SLC9A9: variants seen among roughly 807,000 people sequenced by gnomAD.
SLC9A9 encodes the protein sodium/hydrogen exchanger 9.
Under a neutral mutation model 77.8 loss-of-function variants are expected in SLC9A9, and 62 were observed. The observed-to-expected ratio is 0.80, with a 90% CI of 0.65 to 0.98. The LOEUF is 0.98. SLC9A9 is among the 50% of genes least tolerant of loss of function. The pLI, the probability that SLC9A9 is intolerant of heterozygous loss-of-function variation, is 0.00. For missense variants in SLC9A9, 775 were observed against 774.9 expected (o/e 1.00, Z 0.00); for synonymous variants, 320 against 283.5 (o/e 1.13, Z -1.29).
At chr3:143,417,656 G>A (rs2034221860) in intron 12 of SLC9A9, among the ~76,000 whole-genome samples, 1 of 152,046 alleles carries the variant, frequency 6.6e-6, no homozygotes, top group African/African-American at 2.4e-5. Context: ...GAAGGTGGCT[G>A]TCAGCAAGTC....
chr3:143,530,404 C>G (rs764292626), intron 9 of SLC9A9, among the ~76,000 whole-genome samples: 15 of 152,020 alleles, frequency 9.9e-5, no homozygotes, highest in African/African-American at 3.1e-4. Flanking sequence ...CTATCATTCT[C>G]TCTCCTGCTT....
chr3:143,417,493 G>GAA (rs2034216774), intron 12 of SLC9A9, among the ~76,000 whole-genome samples: 1 of 148,192 alleles, frequency 6.7e-6, no homozygotes, highest in South Asian at 2.2e-4. Context: ...AGCGGGGGGA[G>GAA]AGGGAGGGAG....
intron 5 of SLC9A9, chr3:143,655,411 G>T: frequency 3.2e-6 from 3 of 927,972 alleles, no homozygotes; most frequent in Non-Finnish European, 3.9e-6. Context: ...GACATCGTGT[G>T]GATAGGAAGG....
chr3:143,448,862 TATATTATATAATATG>T (rs2034895068), intron 12 of SLC9A9, among the ~76,000 whole-genome samples: 2 of 39,262 alleles, frequency 5.1e-5, no homozygotes, highest in Non-Finnish European at 7.0e-5. Context: ...TGTTATATAA[TATATTATATAATATG>T]ATATATATTA....
intron 4 of SLC9A9, among the ~76,000 whole-genome samples, chr3:143,742,888 T>A (rs1456672847): frequency 6.6e-6 from 1 of 152,140 alleles, no homozygotes; most frequent in Admixed American, 6.5e-5. Context: ...AATTTTTCCA[T>A]AAATCTAAAA....
At chr3:143,539,738 G>C (rs1326984327) in intron 9 of SLC9A9, among the ~76,000 whole-genome samples, 3 of 152,142 alleles carry the variant, frequency 2.0e-5, no homozygotes, top group African/African-American at 7.2e-5. Context: ...TACCAGGCCA[G>C]CTGATCTCCT....
intron 4 of SLC9A9, among the ~76,000 whole-genome samples, chr3:143,713,579 T>C (rs1053938173): frequency 1.3e-5 from 2 of 152,148 alleles, no homozygotes; most frequent in African/African-American, 4.8e-5. Context: ...AAATGGATGA[T>C]TGTGAGAAGT....
intron 14 of SLC9A9, among the ~76,000 whole-genome samples, chr3:143,331,221 T>TA (rs2031758459): frequency 6.6e-6 from 1 of 152,150 alleles, no homozygotes; most frequent in African/African-American, 2.4e-5. Context: ...GAGCAGTCAA[T>TA]AAGGCTGAAG....
At chr3:143,488,873 A>G (rs2035696193) in intron 11 of SLC9A9, among the ~76,000 whole-genome samples, 1 of 151,966 alleles carries the variant, frequency 6.6e-6, no homozygotes, top group Admixed American at 6.6e-5. Context: ...TTAACATTAT[A>G]CTAGAAATTC....
At chr3:143,584,321 A>G (rs2037505592) in intron 6 of SLC9A9, among the ~76,000 whole-genome samples, 1 of 152,100 alleles carries the variant, frequency 6.6e-6, no homozygotes, top group Non-Finnish European at 1.5e-5. Context: ...GTTCCACAGG[A>G]TGCTCTCCCT....
chr3:143,661,218 T>C (rs763197329), intron 5 of SLC9A9, among the ~76,000 whole-genome samples: 4 of 152,190 alleles, frequency 2.6e-5, no homozygotes, highest in African/African-American at 4.8e-5. Context: ...AAGCAAACAA[T>C]GGCCATTTTA....
At chr3:143,616,338 C>T (rs752199860) in intron 6 of SLC9A9, among the ~76,000 whole-genome samples, 10 of 152,000 alleles carry the variant, frequency 6.6e-5, no homozygotes, top group African/African-American at 9.7e-5. Context: ...ACTAGAAGTA[C>T]AAAAATTTAT....
chr3:143,663,174 G>A (rs1481337389), intron 5 of SLC9A9, among the ~76,000 whole-genome samples: 2 of 152,312 alleles, frequency 1.3e-5, no homozygotes, highest in South Asian at 2.1e-4. Flanking sequence ...GGCAAACAGG[G>A]TCTGCAGTGG....
chr3:143,420,649 G>A (rs2034281561), intron 12 of SLC9A9, among the ~76,000 whole-genome samples: 1 of 152,118 alleles, frequency 6.6e-6, no homozygotes, highest in South Asian at 2.1e-4. Flanking sequence ...AAAGGTGAGG[G>A]AAATCATTAT....
At chr3:143,831,526 A>G (rs1275713537) in intron 2 of SLC9A9, among the ~76,000 whole-genome samples, 1 of 152,202 alleles carries the variant, frequency 6.6e-6, no homozygotes, top group Non-Finnish European at 1.5e-5. Context: ...GTATTTATAC[A>G]TAGCCAAGTG....
At chr3:143,606,422 CTCTCTCTCTCTCTCTATATA>C (rs1258535639) in intron 6 of SLC9A9, among the ~76,000 whole-genome samples, 2 of 73,104 alleles carry the variant, frequency 2.7e-5, no homozygotes, top group African/African-American at 5.0e-5. Flanking sequence ...CTCTCTCTCT[CTCTCTCTCTCTCTCTATATA>C]TATATATATA....
chr3:143,771,388 T>C (rs1474604001), intron 4 of SLC9A9, among the ~76,000 whole-genome samples: 1 of 152,186 alleles, frequency 6.6e-6, no homozygotes, highest in African/African-American at 2.4e-5. Flanking sequence ...CTGTGTATAG[T>C]GTATGATGTT....
intron 9 of SLC9A9, 26 bp from the exon 10 acceptor site, chr3:143,495,474 C>A (rs969882498): frequency 6.5e-7 from 1 of 1,547,636 alleles, no homozygotes; most frequent in Non-Finnish European, 8.9e-7. Flanking sequence ...AAACAAAAAA[C>A]CATTAATTAT....
intron 2 of SLC9A9, among the ~76,000 whole-genome samples, chr3:143,809,567 G>A (rs2008809553): frequency 1.3e-5 from 2 of 152,290 alleles, no homozygotes; most frequent in South Asian, 2.1e-4. Context: ...TGTTCAAATC[G>A]TGGCCTTGGA....
Sources: allele counts gnomAD v4.1 joint callset (sites outside exome capture counted in the v4.1 genomes callset), GRCh38; gene constraint gnomAD v4.1.1; transcripts MANE v1.5; gene names NCBI Gene and HGNC (gene_info 2026-07-23, HGNC 2026-07-21).